BABAM2: variants seen among roughly 807,000 people sequenced by gnomAD.
The protein encoded by BABAM2 is BRISC and BRCA1 A complex member 2, also known as BRISC and BRCA1-A complex member 2.
Under a neutral mutation model 54.7 loss-of-function variants are expected in BABAM2, and 31 were observed. The observed-to-expected ratio is 0.57, with a 90% CI of 0.43 to 0.77. BABAM2 has a LOEUF of 0.77. Ranked by LOEUF, BABAM2 falls within the 30% of genes least tolerant of loss-of-function variation. The pLI is 0.00. For missense variants in BABAM2, 364 were observed against 455.8 expected (o/e 0.80, Z 1.83); for synonymous variants, 167 against 162.9 (o/e 1.03, Z -0.19).
At chr2:28,055,193 A>G (rs566262166) in intron 6 of BABAM2, among the ~76,000 whole-genome samples, 1 of 152,314 alleles carries the variant, frequency 6.6e-6, no homozygotes, top group Admixed American at 6.5e-5. Context: ...GTTCTTACTC[A>G]TAAGTGGGAG....
At position 28,322,140 on chromosome 2, in the gene BABAM2, A is replaced by G. The variant is rs1478159722; in HGVS notation, c.1089-16310A>G. 6.6e-6 allele frequency among the ~76,000 whole-genome samples: 1 copy of G among 152,094 alleles called. No individual in the cohort carries two copies. Among genetic ancestry groups the G allele is most frequent in the Non-Finnish European group, 1.5e-5 (1 of 68,026 alleles). The stretch of plus-strand genomic sequence containing the variant: ...CAGTGAAATGAACTCAGAAGCCTCC[A>G]GTGTTTATACCACTGAGACTGGGGC... On this transcript the variant is annotated intron_variant, in intron 11 of 11. Coordinates refer to ENST00000379624, the MANE Select transcript of BABAM2 (RefSeq NM_199191.3). The surrounding 1 kb of genome is among the most constrained non-coding windows in gnomAD (Gnocchi z 4.1).
chr2:27,918,792 G>A (rs1015336070), intron 2 of BABAM2, among the ~76,000 whole-genome samples: 6 of 151,946 alleles, frequency 3.9e-5, no homozygotes, highest in Non-Finnish European at 8.8e-5. Flanking sequence ...TGGCTCAGGC[G>A]ATCCTCCCAC....
At position 28,001,538 on chromosome 2, in the gene BABAM2, G is replaced by A. The variant is rs535754031; in HGVS notation, c.300+13451G>A. ...CAGGATGGAACTGTGATACAAGGTA[G>A]AAAAGAAAGTGTGTTCTTGTGTTGC... On this transcript the variant is annotated intron_variant, in intron 4 of 11. Transcript: ENST00000379624. 1.1e-4 allele frequency among the ~76,000 whole-genome samples: 16 copies of A among 152,318 alleles called. No homozygotes were observed. The South Asian group carries it at 3.3e-3, about 32-fold the overall frequency.
chr2:28,134,014 C>T (rs1670317220), intron 7 of BABAM2, among the ~76,000 whole-genome samples: 1 of 152,106 alleles, frequency 6.6e-6, no homozygotes, highest in South Asian at 2.1e-4. Context: ...TCTCCCACTG[C>T]GCATTTCTAT....
rs187005413 is a variant in BABAM2, at chr2:28,306,723, G to T, written c.1088+8232G>T. 1.6e-3 allele frequency among the ~76,000 whole-genome samples: 240 copies of T among 151,250 alleles called. 1 individual carries two copies. Among genetic ancestry groups the T allele is most frequent in the African/African-American group, 5.5e-3 (228 of 41,240 alleles). On this transcript the variant is annotated intron_variant, in intron 11 of 11. Transcript: ENST00000379624. ...ATTTTAATTTTTTTTTTGAGACAGA[G>T]TCTCACTCTGTCGCCCAGATTGGAG... is the stretch of plus-strand genomic sequence containing the variant.
intron 3 of BABAM2, among the ~76,000 whole-genome samples, chr2:27,940,684 CA>C (rs1443345449): frequency 6.6e-6 from 1 of 152,032 alleles, no homozygotes. Flanking sequence ...TTATTTTAAT[CA>C]GGGGCTGTTT....
chr2:28,146,227 G>T (rs527334932), intron 7 of BABAM2, among the ~76,000 whole-genome samples: 1 of 152,288 alleles, frequency 6.6e-6, no homozygotes, highest in Non-Finnish European at 1.5e-5. Flanking sequence ...CTCCCATTCT[G>T]TGTGTTGTCT....
At chr2:28,034,012 A>G (rs1676483406) in intron 5 of BABAM2, among the ~76,000 whole-genome samples, 1 of 152,172 alleles carries the variant, frequency 6.6e-6, no homozygotes. Flanking sequence ...AGGTTTTAAA[A>G]ATCTTTGGCT....
intron 7 of BABAM2, among the ~76,000 whole-genome samples, chr2:28,179,869 A>G (rs182333443): frequency 8.3e-4 from 127 of 152,230 alleles, no homozygotes; most frequent in Middle Eastern, 6.8e-3. Context: ...AATCTCATTT[A>G]TAATCACTTC....
chr2:27,898,282 C>A (rs1665501355), intron 2 of BABAM2, among the ~76,000 whole-genome samples: 1 of 152,128 alleles, frequency 6.6e-6, no homozygotes. Context: ...TCTTTTCCTT[C>A]CCACCTCAGG....
intron 7 of BABAM2, among the ~76,000 whole-genome samples, chr2:28,170,994 G>A (rs1231870426): frequency 1.3e-5 from 2 of 152,154 alleles, no homozygotes; most frequent in African/African-American, 4.8e-5. Context: ...CCCCTTCACA[G>A]AGGCAGTCAG....
At chr2:28,258,874 T>G (rs1308934402) in intron 10 of BABAM2, among the ~76,000 whole-genome samples, 2 of 151,776 alleles carry the variant, frequency 1.3e-5, no homozygotes, top group Non-Finnish European at 2.9e-5. Flanking sequence ...TCTCCCAGGT[T>G]CAAGCAGTTC....
Position 28,287,710 on chromosome 2 carries a change from T to C in BABAM2, c.935-10628T>C, listed in dbSNP as rs75132771. Among the ~76,000 whole-genome samples, 205 of 151,994 alleles carry C rather than the reference T, an allele frequency of 1.3e-3. 5 individuals are homozygous for C. The East Asian group carries it at 0.025, about 19-fold the overall frequency. On this transcript the variant is annotated intron_variant, in intron 10 of 11. Transcript: ENST00000379624. ...TCACAGAGTTGGAAGCAATAGCAGG[T>C]TGAAGGGAATGAACACAGAGCCAGG...
At chr2:28,189,062 A>C (rs1450105492) in intron 7 of BABAM2, among the ~76,000 whole-genome samples, 2 of 152,044 alleles carry the variant, frequency 1.3e-5, no homozygotes, top group African/African-American at 4.8e-5. Flanking sequence ...TTAGCTGGGG[A>C]TGGTGGTGCG....
intron 8 of BABAM2, among the ~76,000 whole-genome samples, chr2:28,238,359 A>C (rs1277237675): frequency 6.6e-6 from 1 of 152,138 alleles, no homozygotes; most frequent in Non-Finnish European, 1.5e-5. Flanking sequence ...TTCTTCTCCC[A>C]CATGGACTGT....
intron 10 of BABAM2, among the ~76,000 whole-genome samples, chr2:28,274,690 G>C (rs998341595): frequency 7.2e-5 from 11 of 152,246 alleles, no homozygotes; most frequent in African/African-American, 2.6e-4. Flanking sequence ...CGCCTGGCCC[G>C]GTGTTAGGCA....
chr2:28,096,757 A>T (rs1386711873), intron 6 of BABAM2, among the ~76,000 whole-genome samples: 2 of 113,916 alleles, frequency 1.8e-5, no homozygotes, highest in Admixed American at 1.1e-4. Context: ...TTCCTCCCTC[A>T]CTCCTTCATT....
At chr2:28,296,743 A>G (rs1687723415) in intron 10 of BABAM2, among the ~76,000 whole-genome samples, 2 of 152,172 alleles carry the variant, frequency 1.3e-5, no homozygotes. Flanking sequence ...GCTGGAGTGC[A>G]GTGGCGCGAT....
intron 7 of BABAM2, among the ~76,000 whole-genome samples, chr2:28,221,391 G>A (rs1680399043): frequency 6.6e-6 from 1 of 152,178 alleles, no homozygotes; most frequent in Non-Finnish European, 1.5e-5. Flanking sequence ...GAAGTACGTC[G>A]ATTTAGTATG....
Sources: gnomAD v4.1 joint callset for allele counts (sites outside exome capture counted in the v4.1 genomes callset) on GRCh38, gnomAD v4.1.1 for gene constraint, Gnocchi (gnomAD v3.1) non-coding constraint, MANE v1.5 for transcripts, NCBI Gene and HGNC (gene_info 2026-07-23, HGNC 2026-07-21) for gene names.